GULP1: variants seen among roughly 807,000 people sequenced by gnomAD.
GULP1 encodes the protein GULP PTB domain containing engulfment adaptor 1.
GULP1 carries 19 observed loss-of-function variants against 40.9 expected under a neutral mutation model. The ratio of observed to expected loss-of-function variants is 0.46; its 90% CI spans 0.32 to 0.68. GULP1 has a LOEUF of 0.68. Ranked by LOEUF, GULP1 falls within the 30% of genes least tolerant of loss-of-function variation. The probability of loss-of-function intolerance (pLI) is 0.03; values close to 1 mark genes in which losing one functional copy is unlikely to be tolerated. For missense variants in GULP1, 312 were observed against 362.2 expected (o/e 0.86, Z 1.12); for synonymous variants, 119 against 117.6 (o/e 1.01, Z -0.08).
At chr2:188,585,694 C>G (rs1239587893) in intron 10 of GULP1, among the ~76,000 whole-genome samples, 2 of 152,184 alleles carry the variant, frequency 1.3e-5, no homozygotes, top group African/African-American at 4.8e-5. Context: ...CACAGAGCAG[C>G]AGGGCCCTGG....
chr2:188,582,068 C>G (rs1168632801), intron 9 of GULP1, among the ~76,000 whole-genome samples: 4 of 152,022 alleles, frequency 2.6e-5, no homozygotes, highest in Non-Finnish European at 4.4e-5. Context: ...CATTACCTTC[C>G]TCTTAGGTCC....
At chr2:188,451,816 T>A (rs1317432644) in intron 2 of GULP1, among the ~76,000 whole-genome samples, 3 of 152,170 alleles carry the variant, frequency 2.0e-5, no homozygotes, top group African/African-American at 7.2e-5. Context: ...ATGTAATTCA[T>A]ATACATTGAA....
At chr2:188,507,731 T>G (rs1286570269) in intron 4 of GULP1, among the ~76,000 whole-genome samples, 4 of 151,980 alleles carry the variant, frequency 2.6e-5, no homozygotes, top group Admixed American at 6.6e-5. Context: ...TTCAGACATA[T>G]TAATAAATGA....
intron 5 of GULP1, among the ~76,000 whole-genome samples, chr2:188,523,259 T>C (rs1685300652): frequency 6.6e-6 from 1 of 152,168 alleles, no homozygotes; most frequent in East Asian, 1.9e-4. Context: ...AATTTTGCAG[T>C]GACACTGTAT....
intron 2 of GULP1, among the ~76,000 whole-genome samples, chr2:188,470,126 T>C (rs567876288): frequency 6.6e-6 from 1 of 152,256 alleles, no homozygotes; most frequent in African/African-American, 2.4e-5. Flanking sequence ...ATACTTTGGG[T>C]AGTATTGGTA....
chr2:188,397,373 C>G (rs1374394878), intron 2 of GULP1, among the ~76,000 whole-genome samples: 1 of 152,200 alleles, frequency 6.6e-6, no homozygotes, highest in Non-Finnish European at 1.5e-5. Flanking sequence ...TACCTTAACA[C>G]CATGTACATT....
At chr2:188,572,555 C>G (rs1699279103) in intron 9 of GULP1, among the ~76,000 whole-genome samples, 1 of 152,074 alleles carries the variant, frequency 6.6e-6, no homozygotes, top group Non-Finnish European at 1.5e-5. Context: ...CAAATTATAA[C>G]TTTGCAATCT....
chr2:188,504,516 A>T (rs550055958), intron 4 of GULP1, among the ~76,000 whole-genome samples: 2 of 152,072 alleles, frequency 1.3e-5, no homozygotes, highest in East Asian at 3.9e-4. Flanking sequence ...ATAAAGGCAA[A>T]GGTAGTTATT....
intron 1 of GULP1, among the ~76,000 whole-genome samples, chr2:188,334,529 G>A (rs1353449803): frequency 6.6e-6 from 1 of 152,158 alleles, no homozygotes; most frequent in Non-Finnish European, 1.5e-5. Flanking sequence ...AACAAAGGAA[G>A]CCTTCTCAGG....
intron 4 of GULP1, among the ~76,000 whole-genome samples, chr2:188,483,863 A>T (rs897241635): frequency 1.3e-5 from 2 of 152,148 alleles, no homozygotes; most frequent in Admixed American, 1.3e-4. Context: ...GAGAGAAATG[A>T]GCTGCAATTT....
intron 5 of GULP1, among the ~76,000 whole-genome samples, chr2:188,524,882 A>T (rs542211683): frequency 1.1e-4 from 16 of 151,752 alleles, no homozygotes; most frequent in Non-Finnish European, 2.2e-4. Context: ...TTGCCATGTA[A>T]GGTAACATTT....
intron 1 of GULP1, among the ~76,000 whole-genome samples, chr2:188,371,933 T>G (rs1292637957): frequency 1.3e-5 from 2 of 152,122 alleles, no homozygotes; most frequent in Non-Finnish European, 2.9e-5. Context: ...CTGATTATTA[T>G]ATACTACTGA....
At chr2:188,497,015 T>C (rs1384842142) in intron 4 of GULP1, among the ~76,000 whole-genome samples, 8 of 151,994 alleles carry the variant, frequency 5.3e-5, no homozygotes, top group Non-Finnish European at 8.8e-5. Flanking sequence ...TGCAGAACTG[T>C]GAGCCAATTA....
At chr2:188,306,494 G>A (rs1320960948) in intron 1 of GULP1, among the ~76,000 whole-genome samples, 1 of 152,140 alleles carries the variant, frequency 6.6e-6, no homozygotes. Flanking sequence ...CAGGGGATTT[G>A]ACATTCTAGT....
At chr2:188,396,343 G>A (rs1348864550) in intron 2 of GULP1, among the ~76,000 whole-genome samples, 2 of 152,230 alleles carry the variant, frequency 1.3e-5, no homozygotes, top group South Asian at 2.1e-4. Context: ...ACAAACAAGG[G>A]CTCCTGTGAG....
intron 1 of GULP1, among the ~76,000 whole-genome samples, chr2:188,371,733 A>G (rs1232709962): frequency 6.6e-6 from 1 of 152,142 alleles, no homozygotes; most frequent in African/African-American, 2.4e-5. Flanking sequence ...CTATTATAAC[A>G]TTATGATAAC....
chr2:188,582,911 C>A (rs1243227006), intron 9 of GULP1, among the ~76,000 whole-genome samples: 1 of 152,108 alleles, frequency 6.6e-6, no homozygotes, highest in Admixed American at 6.5e-5. Flanking sequence ...TGAAGTAAAT[C>A]TTAGGACAGA....
intron 1 of GULP1, among the ~76,000 whole-genome samples, chr2:188,330,045 A>G (rs2041346962): frequency 2.0e-5 from 3 of 152,134 alleles, no homozygotes; most frequent in Non-Finnish European, 2.9e-5. Context: ...AGAGATACAA[A>G]TTGAGGAGTC....
intron 7 of GULP1, among the ~76,000 whole-genome samples, chr2:188,555,326 CT>C (rs1003733873): frequency 5.9e-5 from 9 of 152,108 alleles, no homozygotes; most frequent in African/African-American, 1.4e-4. Context: ...TTTATACTTT[CT>C]TGTGTTTTCC....
Sources: gnomAD v4.1 joint callset for allele counts (sites outside exome capture counted in the v4.1 genomes callset) on GRCh38, gnomAD v4.1.1 for gene constraint, MANE v1.5 for transcripts, NCBI Gene and HGNC (gene_info 2026-07-23, HGNC 2026-07-21) for gene names.